The following TRIM58 variants were observed in gnomAD, a reference collection of about 807,000 sequenced individuals.
TRIM58 encodes tripartite motif containing 58, also known as E3 ubiquitin-protein ligase TRIM58.
In TRIM58, 38 loss-of-function variants were observed where a neutral mutation model predicts 34.1. The ratio of observed to expected loss-of-function variants is 1.12; its 90% CI spans 0.86 to 1.46. The LOEUF is 1.46. TRIM58 is among the 40% of genes most tolerant of loss of function. TRIM58 has a pLI of 0.00. For synonymous variants in TRIM58, 273 were observed against 275.7 expected (o/e 0.99, Z 0.10); for missense variants, 677 against 642.0 (o/e 1.05, Z -0.59).
At chr1:247,864,959 A>G (rs1337442994) in intron 3 of TRIM58, 24 bp downstream of exon 3, 1 of 1,541,136 alleles carries the variant, frequency 6.5e-7, no homozygotes. Context: ...CCAGAAAAGC[A>G]GGCAGATGTG....
rs1203495028 is a variant in TRIM58, at chr1:247,880,011, G to T, written c.*3522G>T. On this transcript the variant is annotated 3_prime_UTR_variant, in exon 6 of 6. Coordinates refer to ENST00000366481, the MANE Select transcript of TRIM58 (RefSeq NM_015431.4). ...GCTAAATGTAAACACCACAAGGGGAGGTATCTTTGTCTGTTGACAATGATA... is the reference window on the plus strand; with the variant it reads ...GCTAAATGTAAACACCACAAGGGGATGTATCTTTGTCTGTTGACAATGATA... Among the ~76,000 whole-genome samples, 1 of 151,866 alleles carries T rather than the reference G, an allele frequency of 6.6e-6. No homozygotes were observed. The highest frequency in any genetic ancestry group is 2.4e-5 in the African/African-American group (1 of 41,326).
At chr1:247,865,192 G>A (rs1428264289) in intron 3 of TRIM58, among the ~76,000 whole-genome samples, 1 of 152,152 alleles carries the variant, frequency 6.6e-6, no homozygotes, top group Non-Finnish European at 1.5e-5. Flanking sequence ...TTATTAGGGA[G>A]GCTGAGACAG....
chr1:247,866,003 A>G (rs1348332785), intron 3 of TRIM58, among the ~76,000 whole-genome samples: 1 of 152,180 alleles, frequency 6.6e-6, no homozygotes, highest in Non-Finnish European at 1.5e-5. Context: ...GCAGGGGACC[A>G]TTAGATGAAT....
chr1:247,871,771 A>G (rs1476894154), intron 5 of TRIM58, among the ~76,000 whole-genome samples: 1 of 152,258 alleles, frequency 6.6e-6, no homozygotes, highest in Non-Finnish European at 1.5e-5. Context: ...CAACAACAAC[A>G]AAATACTCTA....
In TRIM58 at chr1:247,864,820, C is replaced by T. The variant is rs144144752; in HGVS notation, c.632C>T (p.Thr211Met). The change falls in exon 3 of 6, where the codon ACG (threonine) becomes ATG (methionine). Residue 211 changes from threonine (T) to methionine (M), a missense_variant. Transcript: ENST00000366481. ...CGGCTGGAGGCGGAGGAGCGAGCGA[C>T]GCTGCAGAGACTGCGGGAGAGCAAG... ...LRRLEAEERA[T>M]LQRLRESKSR... 690 of 1,613,650 alleles carry T rather than the reference C, an allele frequency of 4.3e-4. 4 individuals carry two copies. The highest frequency in any genetic ancestry group is 8.5e-4 in the Middle Eastern group (5 of 5,904).
rs1663656683 is a variant in TRIM58 at position 247,857,386 on chromosome 1, C to T, written c.140C>T (p.Ser47Leu). The T allele has an allele frequency of 6.6e-7, 1 of 1,524,658 alleles. No individual in the cohort carries two copies. The highest frequency in any genetic ancestry group is 8.8e-7 in the Non-Finnish European group (1 of 1,134,842). 94.4% of individuals were successfully genotyped at this position (1,524,658 alleles called of 1,614,324 possible). Residue 47 changes from serine (S) to leucine (L), a missense_variant, in exon 1 of 6, where the codon TCG becomes TTG. Transcript: ENST00000366481. ...LRCISEFCEK[S>L]DGAQGGVYAC... ...TGCATCTCCGAGTTCTGCGAGAAGT[C>T]GGACGGCGCGCAGGGCGGCGTCTAC...
At chr1:247,860,784 C>T in intron 2 of TRIM58, 72 bp downstream of exon 2, 1 of 1,163,972 alleles carries the variant, frequency 8.6e-7, no homozygotes, top group South Asian at 1.3e-5. Flanking sequence ...AATTCTTCTA[C>T]CATCTTCCAT....
At chr1:247,869,736 G>A (rs1369067805) in intron 5 of TRIM58, among the ~76,000 whole-genome samples, 3 of 152,218 alleles carry the variant, frequency 2.0e-5, no homozygotes, top group Admixed American at 6.5e-5. Flanking sequence ...AGACAGTGTA[G>A]GGGGCAAGGG....
intron 3 of TRIM58, 77 bp from the exon 4 acceptor site, chr1:247,867,768 T>A: frequency 6.4e-7 from 1 of 1,561,878 alleles, no homozygotes; most frequent in Non-Finnish European, 8.8e-7. Context: ...TCTAAGGAAA[T>A]TTTTATGGGG....
chr1:247,872,514 C>T (rs1350496949), intron 5 of TRIM58, among the ~76,000 whole-genome samples: 4 of 152,098 alleles, frequency 2.6e-5, no homozygotes, highest in East Asian at 3.9e-4. Context: ...ATGAGGAAAG[C>T]GACAGTTGAA....
rs539498663 is a variant in TRIM58, at chr1:247,867,525, C to T, written c.748-320C>T. 3.3e-5 allele frequency among the ~76,000 whole-genome samples: 5 copies of T among 152,082 alleles called. No individual in the cohort carries two copies. In the South Asian group the frequency reaches 1.0e-3, roughly 32 times the overall value. On this transcript the variant is annotated intron_variant, in intron 3 of 5. Transcript: ENST00000366481. ...CCTGGCCAACATGGTGAAACCCCAT[C>T]TCTACTGAAAATACAAAAAAATAAA...
At chr1:247,859,180 C>T (rs541400070) in intron 1 of TRIM58, among the ~76,000 whole-genome samples, 1 of 152,206 alleles carries the variant, frequency 6.6e-6, no homozygotes, top group South Asian at 2.1e-4. Flanking sequence ...GTTATGTTTC[C>T]ATAGCTCTCT....
chr1:247,858,664 A>G (rs1353260884), intron 1 of TRIM58, among the ~76,000 whole-genome samples: 1 of 150,330 alleles, frequency 6.7e-6, no homozygotes, highest in African/African-American at 2.4e-5. Context: ...TGCGAGATGT[A>G]GGTACTAGTA....
In TRIM58 at chr1:247,875,883, C is replaced by A. The variant is rs769197263; in HGVS notation, c.872-17C>A. On this transcript the variant is annotated splice_polypyrimidine_tract_variant and intron_variant, in intron 5 of 5. Coordinates refer to ENST00000366481, the MANE Select transcript of TRIM58 (RefSeq NM_015431.4). ...CCTTTCTTTCCTTTCACCTGGTCCACCACATTCTTTCCGCAGTGGATGTAA... is the reference window on the plus strand; with the variant it reads ...CCTTTCTTTCCTTTCACCTGGTCCAACACATTCTTTCCGCAGTGGATGTAA... The A allele has an allele frequency of 1.6e-5, 25 of 1,596,588 alleles. 1 individual carries two copies. In the South Asian group the frequency reaches 2.3e-4, roughly 14 times the overall value.
Position 247,867,841 on chromosome 1 carries a change from T to C in TRIM58, c.748-4T>C. On this transcript the variant is annotated splice_polypyrimidine_tract_variant and splice_region_variant and intron_variant, in intron 3 of 5. Transcript: ENST00000366481. ...CTCACACTGTGTTTTTCTTTCCTTT[T>C]CAGGGTGTGAGAGGAGTCCTGAGCA... 6.2e-7 allele frequency: 1 copy of C among 1,614,240 alleles called. No homozygotes were observed. The highest frequency in any genetic ancestry group is 2.2e-5 in the East Asian group (1 of 44,888).
At chr1:247,861,068 T>C (rs1002053120) in intron 2 of TRIM58, among the ~76,000 whole-genome samples, 2 of 152,226 alleles carry the variant, frequency 1.3e-5, no homozygotes, top group African/African-American at 4.8e-5. Context: ...TTCACAACTT[T>C]GTAACAGAAG....
At chr1:247,858,984 C>T (rs1053278365) in intron 1 of TRIM58, among the ~76,000 whole-genome samples, 3 of 151,944 alleles carry the variant, frequency 2.0e-5, no homozygotes, top group African/African-American at 7.3e-5. Flanking sequence ...CCAGGCTGGT[C>T]TTGAACTCCT....
rs1483423982 is a variant in TRIM58 at position 247,877,099 on chromosome 1, C to T, written c.*610C>T. ...TATGGTCACATTTCCTATGACTTTA[C>T]TCAATTACTTTTAAAATCCTTTCTA... is the stretch of plus-strand genomic sequence containing the variant. On this transcript the variant is annotated 3_prime_UTR_variant, in exon 6 of 6. Coordinates refer to ENST00000366481, the MANE Select transcript of TRIM58 (RefSeq NM_015431.4). 1 of 152,210 alleles carries T rather than the reference C, an allele frequency of 6.6e-6. No individual in the cohort carries two copies. The highest frequency in any genetic ancestry group is 1.5e-5 in the Non-Finnish European group (1 of 68,078). 9.4% of individuals were successfully genotyped at this position (152,210 alleles called of 1,614,324 possible). A position where few individuals can be genotyped will look rare whatever the true frequency, so the allele number is the denominator to read the frequency against.
intron 5 of TRIM58, among the ~76,000 whole-genome samples, chr1:247,875,537 C>G (rs1420019413): frequency 6.6e-6 from 1 of 151,280 alleles, no homozygotes; most frequent in Non-Finnish European, 1.5e-5. Flanking sequence ...GACCCCGTCT[C>G]TCTGTCTCTC....
Sources: allele counts gnomAD v4.1 joint callset (sites outside exome capture counted in the v4.1 genomes callset), GRCh38; gene constraint gnomAD v4.1.1; transcripts MANE v1.5; gene names NCBI Gene and HGNC (gene_info 2026-07-23, HGNC 2026-07-21).